Variants in CAMTA1 observed in about 807,000 individuals in gnomAD.
CAMTA1 encodes the protein calmodulin-binding transcription activator 1.
CAMTA1 carries 27 observed loss-of-function variants against 170.9 expected under a neutral mutation model. That is an observed-to-expected ratio of 0.16 (90% CI 0.12 to 0.22). The LOEUF is 0.22. Among genes scored for constraint, CAMTA1 ranks in the 10% least tolerant of loss-of-function variants. CAMTA1 has a pLI of 1.00. For missense variants in CAMTA1, 1,619 were observed against 2,217.2 expected (o/e 0.73, Z 5.42); for synonymous variants, 833 against 891.5 (o/e 0.93, Z 1.17).
chr1:7,761,415 G>A (rs1485257826), intron 22 of CAMTA1, among the ~76,000 whole-genome samples: 2 of 150,020 alleles, frequency 1.3e-5, no homozygotes, highest in Admixed American at 6.6e-5. Flanking sequence ...TTAGAAGTAA[G>A]TGCAGTTATA....
At chr1:7,235,332 T>C in intron 4 of CAMTA1, among the ~76,000 whole-genome samples, 1 of 152,128 alleles carries the variant, frequency 6.6e-6, no homozygotes, top group Non-Finnish European at 1.5e-5. Context: ...CTTGCTTTTA[T>C]TCAGAAAAAT....
chr1:7,396,024 G>A (rs77338718), intron 5 of CAMTA1, among the ~76,000 whole-genome samples: 1,865 of 152,124 alleles, frequency 0.012, 39 homozygotes, highest in African/African-American at 0.038. Context: ...GGATGTTATG[G>A]TTTGGATATT....
chr1:6,804,176 CTTTTTTTTTTT>C lies in CAMTA1; in HGVS notation c.46-15994_46-15984del, dbSNP rs889875577. ...TCCAGCCTGGGAAACGAGCGAAACT[CTTTTTTTTTTT>C]TTTTTTTTTTGGTAAAGACAGGGTC... is the stretch of plus-strand genomic sequence containing the variant. On this transcript the variant is annotated intron_variant, in intron 1 of 22. Transcript: ENST00000303635. Among the ~76,000 whole-genome samples, 588 of 116,468 alleles carry C rather than the reference CTTTTTTTTTTT, an allele frequency of 5.0e-3. 2 individuals are homozygous for C. Among genetic ancestry groups the C allele is most frequent in the Middle Eastern group, 0.013 (3 of 224 alleles). The allele number at this position is 116,468 out of a possible 152,430, so 76.4% of individuals were successfully genotyped here.
intron 4 of CAMTA1, among the ~76,000 whole-genome samples, chr1:7,114,392 A>G (rs1185794370): frequency 6.6e-6 from 1 of 152,076 alleles, no homozygotes; most frequent in Admixed American, 6.5e-5. Context: ...ACACTGGAAG[A>G]AGAAGAACTG....
In CAMTA1 at chr1:7,460,921, G is replaced by T. The variant is rs2093070514; in HGVS notation, c.439-6909G>T. 1.3e-5 allele frequency among the ~76,000 whole-genome samples: 2 copies of T among 152,108 alleles called. 1 individual carries two copies. The highest frequency in any genetic ancestry group is 4.8e-5 in the African/African-American group (2 of 41,416). ...GGGGCCAGCCACAGGGGCTGTGGTGGTGTGGAGGCCACCACAGCCAGCCTA... is the reference window on the plus strand; with the variant it reads ...GGGGCCAGCCACAGGGGCTGTGGTGTTGTGGAGGCCACCACAGCCAGCCTA... On this transcript the variant is annotated intron_variant, in intron 5 of 22. Transcript: ENST00000303635.
At chr1:7,591,137 G>A (rs886191387) in intron 6 of CAMTA1, among the ~76,000 whole-genome samples, 2 of 152,170 alleles carry the variant, frequency 1.3e-5, no homozygotes, top group Non-Finnish European at 2.9e-5. Flanking sequence ...CAGTTCCCGG[G>A]CGCTGCAGCA....
intron 4 of CAMTA1, among the ~76,000 whole-genome samples, chr1:7,226,434 C>T (rs1377688421): frequency 6.6e-6 from 1 of 152,114 alleles, no homozygotes; most frequent in African/African-American, 2.4e-5. Flanking sequence ...AATCCCTGTC[C>T]TTTAATTTCA....
At chr1:6,809,447 G>C (rs1391574695) in intron 1 of CAMTA1, among the ~76,000 whole-genome samples, 1 of 151,974 alleles carries the variant, frequency 6.6e-6, no homozygotes, top group Non-Finnish European at 1.5e-5. Context: ...TTTCTTCATT[G>C]TTCTTCCAGA....
Position 7,257,635 on chromosome 1 carries a change from C to T in CAMTA1, c.438+8009C>T, listed in dbSNP as rs866679534. Among the ~76,000 whole-genome samples the T allele has an allele frequency of 3.3e-5, 5 of 152,262 alleles. No individual in the cohort carries two copies. In the South Asian group the frequency reaches 8.3e-4, roughly 25 times the overall value. ...TGTATGTTGCCAGATTTAGTATGTACATGCACAGACATGTGTGCATACACA... is the reference window on the plus strand; with the variant it reads ...TGTATGTTGCCAGATTTAGTATGTATATGCACAGACATGTGTGCATACACA... On this transcript the variant is annotated intron_variant, in intron 5 of 22. Coordinates refer to ENST00000303635, the MANE Select transcript of CAMTA1 (RefSeq NM_015215.4).
intron 3 of CAMTA1, among the ~76,000 whole-genome samples, chr1:6,990,816 TA>T (rs1696253655): frequency 6.7e-6 from 1 of 148,936 alleles, no homozygotes; most frequent in African/African-American, 2.5e-5. Flanking sequence ...TATATATATA[TA>T]TATTTATATA....
At position 7,050,763 on chromosome 1, in the gene CAMTA1, T is replaced by TAG. The variant is rs1706212996; in HGVS notation, c.235-40541_235-40540insAG. On this transcript the variant is annotated intron_variant, in intron 3 of 22. Coordinates refer to ENST00000303635, the MANE Select transcript of CAMTA1 (RefSeq NM_015215.4). This position sits in a 1 kb window ranked among gnomAD's most constrained non-coding sequence, Gnocchi z 4.8. Reference sequence around the variant, plus strand: ...GAGGGGAAGGAGCCCCAGGGGGCCTTGGCCTCCACGAGTTTCTAGTCCTTG... The same window carrying TAG: ...GAGGGGAAGGAGCCCCAGGGGGCCTTAGGGCCTCCACGAGTTTCTAGTCCTTG... Among the ~76,000 whole-genome samples, 1 of 152,026 alleles carries TAG rather than the reference T, an allele frequency of 6.6e-6. No individual in the cohort carries two copies.
chr1:7,573,361 G>A (rs1490332733), intron 6 of CAMTA1, among the ~76,000 whole-genome samples: 1 of 152,194 alleles, frequency 6.6e-6, no homozygotes, highest in Non-Finnish European at 1.5e-5. Context: ...GTGAACTGCT[G>A]GTCAGCCTGA....
At chr1:7,662,754 C>A (rs2095971546) in intron 8 of CAMTA1, among the ~76,000 whole-genome samples, 1 of 152,140 alleles carries the variant, frequency 6.6e-6, no homozygotes, top group African/African-American at 2.4e-5. Context: ...GGCTTAGGTA[C>A]CTTTCCGCCT....
At chr1:7,445,785 C>T (rs1204543436) in intron 5 of CAMTA1, among the ~76,000 whole-genome samples, 1 of 152,204 alleles carries the variant, frequency 6.6e-6, no homozygotes, top group East Asian at 1.9e-4. Context: ...CGATGAACAT[C>T]TCAATTTGCT....
chr1:7,293,504 G>A lies in CAMTA1; in HGVS notation c.438+43878G>A, dbSNP rs545344826. ...AGGCCCGGATGGCTCCATGATCCAT[G>A]TGCATGTGTTCCCGGTTTTGTTTGT... On this transcript the variant is annotated intron_variant, in intron 5 of 22. Coordinates refer to ENST00000303635, the MANE Select transcript of CAMTA1 (RefSeq NM_015215.4). This position sits in a 1 kb window ranked among gnomAD's most constrained non-coding sequence, Gnocchi z 4.1. Among the ~76,000 whole-genome samples the A allele has an allele frequency of 2.0e-5, 3 of 152,352 alleles. No individual in the cohort carries two copies. The South Asian group carries it at 6.2e-4, about 32-fold the overall frequency.
chr1:7,101,933 T>G (rs967519714), intron 4 of CAMTA1, among the ~76,000 whole-genome samples: 1 of 151,790 alleles, frequency 6.6e-6, no homozygotes, highest in East Asian at 1.9e-4. Context: ...ACAACACACA[T>G]GCACAAGCAA....
In CAMTA1 at chr1:7,293,899, T is replaced by G. The variant is rs538013065; in HGVS notation, c.438+44273T>G. 2.6e-5 allele frequency among the ~76,000 whole-genome samples: 4 copies of G among 152,364 alleles called. No individual in the cohort carries two copies. The highest frequency in any genetic ancestry group is 5.9e-5 in the Non-Finnish European group (4 of 68,042). On this transcript the variant is annotated intron_variant, in intron 5 of 22. Transcript: ENST00000303635. The surrounding 1 kb of genome is among the most constrained non-coding windows in gnomAD (Gnocchi z 4.1). ...AGGAGATTTTGTAGTAATGAGCATT[T>G]GGCTTTTGTAATCCTTTTTCTGCTT...
intron 4 of CAMTA1, among the ~76,000 whole-genome samples, chr1:7,148,743 C>T (rs1220684772): frequency 6.6e-6 from 1 of 152,208 alleles, no homozygotes; most frequent in East Asian, 1.9e-4. Context: ...TGGCAGAGGG[C>T]ACCATGTGGG....
At chr1:7,026,627 G>A (rs1461598648) in intron 3 of CAMTA1, among the ~76,000 whole-genome samples, 1 of 147,710 alleles carries the variant, frequency 6.8e-6, no homozygotes, top group South Asian at 2.2e-4. Flanking sequence ...TGGGAGGATG[G>A]GTGGCTGCTT....
Sources: gnomAD v4.1 joint callset for allele counts (sites outside exome capture counted in the v4.1 genomes callset) on GRCh38, gnomAD v4.1.1 for gene constraint, Gnocchi (gnomAD v3.1) non-coding constraint, MANE v1.5 for transcripts, NCBI Gene and HGNC (gene_info 2026-07-23, HGNC 2026-07-21) for gene names.